Variants in RSPH1 observed in about 807,000 individuals in gnomAD.
RSPH1 encodes radial spoke head component 1.
RSPH1 carries 32 observed loss-of-function variants against 44.2 expected under a neutral mutation model. That is an observed-to-expected ratio of 0.72 (90% CI 0.55 to 0.97). The LOEUF (loss-of-function observed/expected upper bound fraction) is 0.97. Ranked by LOEUF, RSPH1 falls within the 50% of genes least tolerant of loss-of-function variation. The pLI is 0.00. For synonymous variants in RSPH1, 134 were observed against 147.3 expected (o/e 0.91, Z 0.65); for missense variants, 391 against 398.7 (o/e 0.98, Z 0.16).
At chr21:42,486,209 G>T in intron 4 of RSPH1, 162 bp downstream of exon 4, 1 of 635,012 alleles carries the variant, frequency 1.6e-6, no homozygotes, top group South Asian at 1.9e-5. Context: ...TGCACAGAAA[G>T]GCATCCTTGC....
At chr21:42,484,561 A>C (rs1271280329) in intron 5 of RSPH1, 1 of 152,218 alleles carries the variant, frequency 6.6e-6, no homozygotes, top group Non-Finnish European at 1.5e-5. Context: ...GATTGGGCCC[A>C]GGGTGGTGGG....
At chr21:42,480,517 G>A (rs2054115210) in intron 6 of RSPH1, among the ~76,000 whole-genome samples, 1 of 151,926 alleles carries the variant, frequency 6.6e-6, no homozygotes, top group Admixed American at 6.6e-5. Context: ...GCACATGCCT[G>A]TAATCCCAGC....
chr21:42,489,406 T>C (rs2054214544), intron 3 of RSPH1, among the ~76,000 whole-genome samples: 1 of 152,154 alleles, frequency 6.6e-6, no homozygotes, highest in African/African-American at 2.4e-5. Context: ...GCTGTTTGAT[T>C]GGCTGGTTGT....
chr21:42,475,804 C>A (rs926698622), intron 8 of RSPH1, 94 bp downstream of exon 8: 13 of 1,438,576 alleles, frequency 9.0e-6, no homozygotes, highest in African/African-American at 9.0e-5. Flanking sequence ...TGGGGCCCAG[C>A]TGAAGGCAGG....
chr21:42,478,841 G>A (rs1333006250), intron 6 of RSPH1, among the ~76,000 whole-genome samples: 4 of 152,176 alleles, frequency 2.6e-5, no homozygotes, highest in East Asian at 1.9e-4. Flanking sequence ...CCTTGAAAAC[G>A]TCGTGCTAAA....
At chr21:42,485,477 C>T in intron 5 of RSPH1, 192 bp downstream of exon 5, 1 of 625,460 alleles carries the variant, frequency 1.6e-6, no homozygotes, top group South Asian at 2.0e-5. Context: ...CCAATCCCTC[C>T]CTTCCCCCAA....
At chr21:42,492,060 T>G (rs1475638217) in intron 3 of RSPH1, among the ~76,000 whole-genome samples, 1 of 152,234 alleles carries the variant, frequency 6.6e-6, no homozygotes. Flanking sequence ...ACAATTTCTT[T>G]CTTCCTAGGG....
intron 6 of RSPH1, among the ~76,000 whole-genome samples, chr21:42,481,206 T>A (rs563559104): frequency 1.9e-4 from 28 of 151,294 alleles, no homozygotes; most frequent in South Asian, 4.2e-4. Flanking sequence ...TTGTTAAAAA[T>A]ATATATATAT....
rs1224844971 is a variant in RSPH1, at chr21:42,485,667, A to G, written c.501+2T>C. ...GGCAAATGTCACTTCCCATGGACTT[A>G]CATTTTTGTTCAAGAACTTGCCCTG... On this transcript the variant is annotated splice_donor_variant, in intron 5 of 8. Coordinates refer to ENST00000291536, the MANE Select transcript of RSPH1 (RefSeq NM_080860.4). LOFTEE classifies it high-confidence loss of function. The G allele has an allele frequency of 6.2e-7, 1 of 1,614,112 alleles. No individual in the cohort carries two copies. The highest frequency in any genetic ancestry group is 8.5e-7 in the Non-Finnish European group (1 of 1,180,024).
intron 6 of RSPH1, 88 bp downstream of exon 6, chr21:42,482,549 C>T (rs560818263): frequency 4.7e-5 from 43 of 918,666 alleles, no homozygotes; most frequent in Non-Finnish European, 6.8e-5. Flanking sequence ...AACTTTTAGG[C>T]GAATCACCTC....
intron 6 of RSPH1, among the ~76,000 whole-genome samples, chr21:42,482,197 C>A (rs566170506): frequency 6.6e-6 from 1 of 152,358 alleles, no homozygotes; most frequent in East Asian, 1.9e-4. Context: ...GATTCTCCTG[C>A]CTCAGCCTCC....
chr21:42,476,410 G>A (rs535082470), intron 7 of RSPH1, among the ~76,000 whole-genome samples: 2 of 152,278 alleles, frequency 1.3e-5, no homozygotes, highest in South Asian at 4.1e-4. Context: ...GCCATTCTGG[G>A]GGCTGTCCCG....
At position 42,472,827 on chromosome 21, in the gene RSPH1, G is replaced by C; in HGVS notation, c.921C>G (p.Leu307=). ...CTCGGCTCACTTCATCTTAGTCCTG[G>C]AGGTCTGACTGTCTAGTTTCTTCTT... The part of the protein sequence containing the change: ...SEEEETRQSD[L]QD The change falls in exon 9 of 9, where the codon CTC becomes CTG. Residue 307 remains leucine (L), a synonymous_variant. Coordinates refer to ENST00000291536, the MANE Select transcript of RSPH1 (RefSeq NM_080860.4). The C allele has an allele frequency of 1.2e-6, 2 of 1,610,544 alleles. No homozygotes were observed. The highest frequency in any genetic ancestry group is 1.7e-6 in the Non-Finnish European group (2 of 1,177,004).
intron 4 of RSPH1, 93 bp downstream of exon 4, chr21:42,486,278 T>C: frequency 1.0e-6 from 1 of 980,394 alleles, no homozygotes; most frequent in Non-Finnish European, 1.6e-6. Flanking sequence ...GCTTTTGTTA[T>C]GATTCTGTTC....
At chr21:42,485,643 G>A in intron 5 of RSPH1, 26 bp downstream of exon 5, 2 of 1,613,480 alleles carry the variant, frequency 1.2e-6, no homozygotes, top group Non-Finnish European at 1.7e-6. Context: ...TACTTCATTG[G>A]CAAATGTCAC....
rs144668864 is a variant in RSPH1 at position 42,482,374 on chromosome 21, T to A, written c.573+263A>T. 4.7e-4 allele frequency among the ~76,000 whole-genome samples: 71 copies of A among 152,320 alleles called. No homozygotes were observed. The East Asian group carries it at 0.013, about 27-fold the overall frequency. On this transcript the variant is annotated intron_variant, in intron 6 of 8. Transcript: ENST00000291536. ...CTGGGATTACAGGCGTGAGCCATTG[T>A]GCCCTGCCAGGATTAGTTTCTATCA...
At chr21:42,495,173 A>G (rs1324587796) in intron 1 of RSPH1, among the ~76,000 whole-genome samples, 1 of 152,222 alleles carries the variant, frequency 6.6e-6, no homozygotes, top group Non-Finnish European at 1.5e-5. Context: ...TGCTTCTTGC[A>G]CTAGCTACTG....
rs80251012 is a variant in RSPH1 at position 42,478,655 on chromosome 21, G to A, written c.574-1211C>T. On this transcript the variant is annotated intron_variant, in intron 6 of 8. Transcript: ENST00000291536. ...AACATTTGACAGTTCTTCAAAAAGC[G>A]AAACAGCATCACCATATGACCCAGC... is the stretch of plus-strand genomic sequence containing the variant. 5.2e-3 allele frequency among the ~76,000 whole-genome samples: 789 copies of A among 152,278 alleles called. 15 individuals carry two copies. The highest frequency in any genetic ancestry group is 0.044 in the East Asian group (230 of 5,182).
intron 4 of RSPH1, 199 bp from the exon 5 acceptor site, chr21:42,486,003 G>A: frequency 1.5e-6 from 1 of 663,288 alleles, no homozygotes; most frequent in Non-Finnish European, 2.5e-6. Context: ...GAGGCACAGA[G>A]GACAGGCCAG....
Sources: gnomAD v4.1 joint callset for allele counts (sites outside exome capture counted in the v4.1 genomes callset) on GRCh38, gnomAD v4.1.1 for gene constraint, MANE v1.5 for transcripts, NCBI Gene and HGNC (gene_info 2026-07-23, HGNC 2026-07-21) for gene names.